The following MAP2 variants were observed in gnomAD, a reference collection of about 807,000 sequenced individuals.
MAP2 encodes microtubule associated protein 2.
Under a neutral mutation model 137.6 loss-of-function variants are expected in MAP2, and 14 were observed. The observed-to-expected ratio is 0.10, with a 90% CI of 0.07 to 0.16. MAP2 has a LOEUF of 0.16. MAP2 is among the 10% of genes least tolerant of loss of function. The pLI, the probability that MAP2 is intolerant of heterozygous loss-of-function variation, is 1.00. For missense variants in MAP2, 2,088 were observed against 2,191.5 expected, an observed-to-expected ratio of 0.95 and a Z score of 0.94; for synonymous variants, 786 against 782.3, an observed-to-expected ratio of 1.00 and a Z score of -0.08.
At chr2:209,699,617 G>A (rs1339491542) in intron 10 of MAP2, among the ~76,000 whole-genome samples, 1 of 152,144 alleles carries the variant, frequency 6.6e-6, no homozygotes, top group African/African-American at 2.4e-5. Context: ...CATACAGGAA[G>A]TGCATGTGTA....
intron 1 of MAP2, among the ~76,000 whole-genome samples, chr2:209,448,087 C>T (rs1050568237): frequency 7.9e-5 from 12 of 152,070 alleles, no homozygotes; most frequent in Admixed American, 5.9e-4. Context: ...TATCATCCTT[C>T]ACCATGTAAT....
chr2:209,529,264 A>G (rs2150534263), intron 2 of MAP2, among the ~76,000 whole-genome samples: 1 of 152,264 alleles, frequency 6.6e-6, no homozygotes, highest in Non-Finnish European at 1.5e-5. Context: ...GAAGTAAGCA[A>G]GTTTAGGAAG....
At chr2:209,690,892 C>A in intron 7 of MAP2, 1 of 1,239,432 alleles carries the variant, frequency 8.1e-7, no homozygotes, top group Admixed American at 2.8e-5. Context: ...TGCAAATGAT[C>A]TCTCCAGTGG....
intron 1 of MAP2, among the ~76,000 whole-genome samples, chr2:209,447,465 C>T (rs1699336244): frequency 6.6e-6 from 1 of 152,026 alleles, no homozygotes; most frequent in Non-Finnish European, 1.5e-5. Context: ...TAACCCCAGG[C>T]TACTGAAATC....
intron 3 of MAP2, among the ~76,000 whole-genome samples, chr2:209,604,138 A>G (rs2083865434): frequency 6.6e-6 from 1 of 152,210 alleles, no homozygotes; most frequent in Non-Finnish European, 1.5e-5. Context: ...GGTGCCAACA[A>G]GAAGGCTATA....
intron 2 of MAP2, among the ~76,000 whole-genome samples, chr2:209,548,547 T>C (rs1440572763): frequency 2.6e-5 from 4 of 152,318 alleles, no homozygotes; most frequent in South Asian, 2.1e-4. Context: ...CAGAAAAATA[T>C]TAGCCAGAAA....
intron 1 of MAP2, among the ~76,000 whole-genome samples, chr2:209,476,750 A>C (rs1466023517): frequency 1.3e-5 from 2 of 152,208 alleles, no homozygotes; most frequent in Non-Finnish European, 2.9e-5. Context: ...ATTGCTTTTG[A>C]ATATAATCCG....
chr2:209,700,163 C>G, intron 10 of MAP2, 114 bp from the exon 11 acceptor site: 1 of 749,660 alleles, frequency 1.3e-6, no homozygotes, highest in Non-Finnish European at 2.3e-6. Flanking sequence ...AATAAGCAAA[C>G]TTTTGCTTTG....
intron 4 of MAP2, among the ~76,000 whole-genome samples, chr2:209,633,547 T>G (rs1175979251): frequency 6.6e-6 from 1 of 152,144 alleles, no homozygotes; most frequent in Non-Finnish European, 1.5e-5. Flanking sequence ...GTAAATGGAT[T>G]AAAGAGGTGA....
intron 5 of MAP2, among the ~76,000 whole-genome samples, chr2:209,662,348 A>G (rs1272253004): frequency 6.6e-6 from 1 of 152,222 alleles, no homozygotes; most frequent in African/African-American, 2.4e-5. Context: ...CACAAGCGCA[A>G]AAAGTATTTC....
chr2:209,596,111 A>G (rs1358958112), intron 3 of MAP2, among the ~76,000 whole-genome samples: 1 of 152,102 alleles, frequency 6.6e-6, no homozygotes, highest in East Asian at 1.9e-4. Flanking sequence ...TAATTTTAAA[A>G]AGAGAAAGAA....
Position 209,729,883 on chromosome 2 carries a change from T to G in MAP2, c.5189T>G (p.Leu1730Arg). Residue 1730 changes from leucine (L) to arginine (R), a missense_variant, in exon 15 of 16, where the codon CTA becomes CGA. Coordinates refer to ENST00000682079, the MANE Select transcript of MAP2 (RefSeq NM_001375505.1). Reference sequence around the variant, plus strand: ...CGTGTGAAAATTGAGAGTGTAAAACTAGATTTCAAAGAAAAGGCCCAAGCT... The same window carrying G: ...CGTGTGAAAATTGAGAGTGTAAAACGAGATTTCAAAGAAAAGGCCCAAGCT... ...GGRVKIESVK[L>R]DFKEKAQAKV... 1 of 1,613,656 alleles carries G rather than the reference T, an allele frequency of 6.2e-7. No individual in the cohort carries two copies. The highest frequency in any genetic ancestry group is 8.5e-7 in the Non-Finnish European group (1 of 1,179,638).
rs374935033 is a variant in MAP2 at position 209,695,912 on chromosome 2, C to G, written c.3742C>G (p.Leu1248Val). ...AGAAGCCCAGGGAGAATATGATAAA[C>G]TGCTCTTCCGCTCAGACACCCTTCA... ...EIEAQGEYDKLLFRSDTLQIT... is the reference protein window; with the variant it reads ...EIEAQGEYDKVLFRSDTLQIT... The change falls in exon 8 of 16, where the codon CTG becomes GTG. Residue 1248 changes from leucine to valine, a missense_variant. Physicochemically the swap from Leu to Val is conservative, Grantham distance 32. Transcript: ENST00000682079. The G allele has an allele frequency of 6.2e-7, 1 of 1,614,084 alleles. No homozygotes were observed. Among genetic ancestry groups the G allele is most frequent in the Admixed American group, 1.7e-5 (1 of 60,008 alleles).
intron 2 of MAP2, among the ~76,000 whole-genome samples, chr2:209,511,905 G>T (rs549043979): frequency 1.3e-5 from 2 of 152,112 alleles, no homozygotes; most frequent in East Asian, 3.9e-4. Flanking sequence ...ATATTTATCT[G>T]AAATTATTTA....
At chr2:209,510,484 G>T (rs1285014886) in intron 2 of MAP2, among the ~76,000 whole-genome samples, 1 of 152,018 alleles carries the variant, frequency 6.6e-6, no homozygotes, top group African/African-American at 2.4e-5. Flanking sequence ...ATTATGTAGT[G>T]TAAAGAAATA....
In MAP2 at chr2:209,693,262, T is replaced by G. The variant is rs746572323; in HGVS notation, c.1092T>G (p.Asp364Glu). ...CCAGTGGCCCAGCTACTGCCAAAGA[T>G]AGTTTTAAAATTGAAGAGCCCCATG... ...QQTSGPATAK[D>E]SFKIEEPHEA... The change falls in exon 8 of 16, where the codon GAT becomes GAG. Residue 364 changes from aspartate to glutamate, a missense_variant. Coordinates refer to ENST00000682079, the MANE Select transcript of MAP2 (RefSeq NM_001375505.1). 84 of 1,613,856 alleles carry G rather than the reference T, an allele frequency of 5.2e-5. No individual in the cohort carries two copies. Among genetic ancestry groups the G allele is most frequent in the Non-Finnish European group, 6.9e-5 (81 of 1,179,994 alleles).
intron 3 of MAP2, among the ~76,000 whole-genome samples, chr2:209,619,946 A>G (rs979604680): frequency 1.1e-4 from 17 of 152,134 alleles, no homozygotes; most frequent in African/African-American, 4.1e-4. Context: ...TCATTAAGGC[A>G]TTTAAGAGCC....
intron 4 of MAP2, among the ~76,000 whole-genome samples, chr2:209,635,113 A>G (rs552684408): frequency 2.0e-5 from 3 of 152,250 alleles, no homozygotes; most frequent in South Asian, 2.1e-4. Flanking sequence ...GAAAAAGAAA[A>G]TAATAAATCA....
intron 3 of MAP2, among the ~76,000 whole-genome samples, chr2:209,585,279 G>A (rs1469635416): frequency 6.6e-6 from 1 of 150,854 alleles, no homozygotes; most frequent in East Asian, 1.9e-4. Context: ...AAAGAAAGAA[G>A]AGGACAGGGA....
Sources: allele counts gnomAD v4.1 joint callset (sites outside exome capture counted in the v4.1 genomes callset), GRCh38; gene constraint gnomAD v4.1.1; transcripts MANE v1.5; gene names NCBI Gene and HGNC (gene_info 2026-07-23, HGNC 2026-07-21).